The following PTPRD variants were observed in gnomAD, a reference collection of about 807,000 sequenced individuals.
The protein encoded by PTPRD is receptor-type tyrosine-protein phosphatase delta.
A neutral mutation model predicts 214.5 loss-of-function variants in PTPRD; 34 were observed. The ratio of observed to expected loss-of-function variants is 0.16; its 90% CI spans 0.12 to 0.21. The LOEUF (loss-of-function observed/expected upper bound fraction) is 0.21, where lower values mean the gene tolerates loss of function less well. PTPRD is among the 10% of genes least tolerant of loss of function. PTPRD has a pLI of 1.00. For synonymous variants in PTPRD, 1,128 were observed against 845.7 expected (o/e 1.33, Z -5.79); for missense variants, 2,545 against 2,398.7 (o/e 1.06, Z -1.27).
At chr9:9,212,118 C>T (rs1461834792) in intron 9 of PTPRD, among the ~76,000 whole-genome samples, 3 of 151,936 alleles carry the variant, frequency 2.0e-5, no homozygotes, top group Non-Finnish European at 2.9e-5. Flanking sequence ...TGGGCAATAC[C>T]CACCACTGAG....
intron 9 of PTPRD, among the ~76,000 whole-genome samples, chr9:9,348,920 G>C (rs2049999276): frequency 6.6e-6 from 1 of 152,020 alleles, no homozygotes; most frequent in African/African-American, 2.4e-5. Flanking sequence ...TTCTCTTCCT[G>C]TATTTTAATT....
chr9:8,690,381 G>T (rs374292309), intron 12 of PTPRD, among the ~76,000 whole-genome samples: 5 of 151,852 alleles, frequency 3.3e-5, no homozygotes, highest in Admixed American at 1.3e-4. Flanking sequence ...TAAAAAATTA[G>T]CCGGGCATGG....
chr9:9,989,037 A>AAAAAAAAAAAAAC (rs1555436290), intron 4 of PTPRD, among the ~76,000 whole-genome samples: 1 of 121,364 alleles, frequency 8.2e-6, no homozygotes, highest in Non-Finnish European at 1.9e-5. Context: ...AAAAAAAAAA[A>AAAAAAAAAAAAAC]AAAAAAAACC....
At chr9:8,333,737 C>G (rs566372877) in intron 43 of PTPRD, among the ~76,000 whole-genome samples, 2 of 152,102 alleles carry the variant, frequency 1.3e-5, no homozygotes, top group South Asian at 4.2e-4. Flanking sequence ...CTAAATGCCC[C>G]AATTAAAAGA....
At chr9:10,127,318 C>T (rs1331673699) in intron 3 of PTPRD, among the ~76,000 whole-genome samples, 2 of 152,074 alleles carry the variant, frequency 1.3e-5, no homozygotes, top group African/African-American at 4.8e-5. Context: ...GTTGTCTTTC[C>T]ATTATCTCAA....
At chr9:10,407,595 T>C (rs945592969) in intron 2 of PTPRD, among the ~76,000 whole-genome samples, 4 of 151,582 alleles carry the variant, frequency 2.6e-5, no homozygotes, top group Admixed American at 1.3e-4. Flanking sequence ...TTACAACTTT[T>C]TAGAAAGTTG....
intron 12 of PTPRD, among the ~76,000 whole-genome samples, chr9:8,721,461 T>G (rs2154419242): frequency 6.6e-6 from 1 of 151,610 alleles, no homozygotes; most frequent in Admixed American, 6.6e-5. Context: ...ATAAAGTGTT[T>G]AAATCATTAT....
chr9:9,477,378 A>C (rs903522850), intron 8 of PTPRD, among the ~76,000 whole-genome samples: 1 of 152,144 alleles, frequency 6.6e-6, no homozygotes, highest in Non-Finnish European at 1.5e-5. Flanking sequence ...TTTCTTACAA[A>C]CTGGGACCAT....
chr9:9,286,263 G>T (rs1001067729), intron 9 of PTPRD, among the ~76,000 whole-genome samples: 1 of 151,690 alleles, frequency 6.6e-6, no homozygotes, highest in African/African-American at 2.4e-5. Context: ...ATTATAATAG[G>T]CTCCAAAAGG....
chr9:9,417,756 G>T (rs928780351), intron 8 of PTPRD, among the ~76,000 whole-genome samples: 1 of 152,008 alleles, frequency 6.6e-6, no homozygotes, highest in Non-Finnish European at 1.5e-5. Context: ...CAAAACTCAA[G>T]TTTTGTCATC....
rs546511923 is a variant in PTPRD, at chr9:9,062,200, C to T, written c.-142-43465G>A. Among the ~76,000 whole-genome samples the T allele has an allele frequency of 6.6e-5, 10 of 152,234 alleles. 1 individual carries two copies. The South Asian group carries it at 2.1e-3, about 32-fold the overall frequency. On this transcript the variant is annotated intron_variant, in intron 10 of 45. Coordinates refer to ENST00000381196, the MANE Select transcript of PTPRD (RefSeq NM_002839.4). ...GGTCTTGAATATAGTGTTACCAAAACATAAGACAAAACAAGTAGAATTACA... is the reference window on the plus strand; with the variant it reads ...GGTCTTGAATATAGTGTTACCAAAATATAAGACAAAACAAGTAGAATTACA...
intron 8 of PTPRD, among the ~76,000 whole-genome samples, chr9:9,423,654 A>G (rs1377854522): frequency 3.3e-5 from 5 of 152,208 alleles, no homozygotes; most frequent in Admixed American, 3.3e-4. Flanking sequence ...ATGGCAACAG[A>G]GATAACTGCA....
chr9:8,607,296 T>A (rs2095263551), intron 14 of PTPRD, among the ~76,000 whole-genome samples: 1 of 152,126 alleles, frequency 6.6e-6, no homozygotes, highest in Admixed American at 6.5e-5. Context: ...TATCTACAAT[T>A]TTGTCTATTA....
intron 3 of PTPRD, among the ~76,000 whole-genome samples, chr9:10,060,213 C>A (rs547995658): frequency 1.3e-5 from 2 of 152,066 alleles, no homozygotes; most frequent in South Asian, 4.1e-4. Context: ...TTTCAAGTCC[C>A]AATTTCATAT....
chr9:8,332,260 G>A (rs138937094), intron 43 of PTPRD, among the ~76,000 whole-genome samples: 117 of 152,190 alleles, frequency 7.7e-4, no homozygotes, highest in Middle Eastern at 3.4e-3. Flanking sequence ...TATTTCTACC[G>A]TTGTCAAATG....
intron 14 of PTPRD, among the ~76,000 whole-genome samples, chr9:8,610,825 T>A (rs1422733983): frequency 6.6e-6 from 1 of 152,208 alleles, no homozygotes; most frequent in Non-Finnish European, 1.5e-5. Context: ...ATCATTTCAT[T>A]AAACCATACA....
At chr9:9,328,608 GTTGTTCTTGCTTTTTT>G (rs2040999901) in intron 9 of PTPRD, among the ~76,000 whole-genome samples, 2 of 55,644 alleles carry the variant, frequency 3.6e-5, no homozygotes, top group Admixed American at 1.8e-4. Flanking sequence ...TTCTTTTGTT[GTTGTTCTTGCTTTTTT>G]TTTTTTTTTT....
At chr9:8,822,516 G>A (rs1273623900) in intron 11 of PTPRD, among the ~76,000 whole-genome samples, 1 of 152,150 alleles carries the variant, frequency 6.6e-6, no homozygotes, top group South Asian at 2.1e-4. Context: ...GGAAAGTTAA[G>A]GACATGGTTG....
At chr9:9,527,977 C>T (rs565305071) in intron 8 of PTPRD, among the ~76,000 whole-genome samples, 1 of 152,170 alleles carries the variant, frequency 6.6e-6, no homozygotes, top group South Asian at 2.1e-4. Context: ...GGACTATGAT[C>T]CCAAAAAGAA....
Sources: allele counts gnomAD v4.1 joint callset (sites outside exome capture counted in the v4.1 genomes callset), GRCh38; gene constraint gnomAD v4.1.1; transcripts MANE v1.5; gene names NCBI Gene and HGNC (gene_info 2026-07-23, HGNC 2026-07-21).